PPARA: variants seen among roughly 807,000 people sequenced by gnomAD.
PPARA encodes the protein peroxisome proliferator activated receptor alpha, also known as peroxisome proliferator-activated receptor alpha.
PPARA carries 22 observed loss-of-function variants against 42.2 expected under a neutral mutation model. The ratio of observed to expected loss-of-function variants is 0.52; its 90% CI spans 0.37 to 0.74. The LOEUF (loss-of-function observed/expected upper bound fraction) is 0.74. Among genes scored for constraint, PPARA ranks in the 30% least tolerant of loss-of-function variants. The pLI, the probability that PPARA is intolerant of heterozygous loss-of-function variation, is 0.00. For missense variants in PPARA, 465 were observed against 608.2 expected, an observed-to-expected ratio of 0.76 and a Z score of 2.48; for synonymous variants, 242 against 239.3, an observed-to-expected ratio of 1.01 and a Z score of -0.10.
At chr22:46,157,950 T>C (rs527532180) in intron 2 of PPARA, among the ~76,000 whole-genome samples, 1 of 152,324 alleles carries the variant, frequency 6.6e-6, no homozygotes, top group African/African-American at 2.4e-5. Flanking sequence ...ACAAGCCAAC[T>C]TTCGAAAGAG....
rs1048491980 is a variant in PPARA, at chr22:46,203,372, G to A, written c.208+4781G>A. Among the ~76,000 whole-genome samples the A allele has an allele frequency of 1.3e-5, 2 of 152,072 alleles. No homozygotes were observed. Among genetic ancestry groups the A allele is most frequent in the Non-Finnish European group, 2.9e-5 (2 of 68,012 alleles). ...CCGGATGGGTGAGGCTGGTTCACTCGGCCAAAGTACCATTTTATCTCTGCT... is the reference window on the plus strand; with the variant it reads ...CCGGATGGGTGAGGCTGGTTCACTCAGCCAAAGTACCATTTTATCTCTGCT... On this transcript the variant is annotated intron_variant, in intron 4 of 8. Coordinates refer to ENST00000407236, the MANE Select transcript of PPARA (RefSeq NM_005036.6). This position sits in a 1 kb window ranked among gnomAD's most constrained non-coding sequence, Gnocchi z 5.8.
chr22:46,233,418 C>A lies in PPARA; in HGVS notation c.1159+1179C>A, dbSNP rs1237647567. On this transcript the variant is annotated intron_variant, in intron 8 of 8. Transcript: ENST00000407236. This position sits in a 1 kb window ranked among gnomAD's most constrained non-coding sequence, Gnocchi z 7.3. ...CCTACTGCAAACTCGGCTGACCTTA[C>A]CCAGGGTTGGTGGAGACAGATGGGG... Among the ~76,000 whole-genome samples, 1 of 152,118 alleles carries A rather than the reference C, an allele frequency of 6.6e-6. No individual in the cohort carries two copies. The highest frequency in any genetic ancestry group is 1.5e-5 in the Non-Finnish European group (1 of 68,028).
chr22:46,224,712 G>A lies in PPARA; in HGVS notation c.711+4698G>A, dbSNP rs1302694876. ...ATACGAACCGTAATGAACGTGGGCTGTGTGCTGGGGAAGGCAGGCTCGCCT... is the reference window on the plus strand; with the variant it reads ...ATACGAACCGTAATGAACGTGGGCTATGTGCTGGGGAAGGCAGGCTCGCCT... On this transcript the variant is annotated intron_variant, in intron 7 of 8. Transcript: ENST00000407236. This position sits in a 1 kb window ranked among gnomAD's most constrained non-coding sequence, Gnocchi z 5.7. Among the ~76,000 whole-genome samples the A allele has an allele frequency of 1.3e-5, 2 of 152,090 alleles. No individual in the cohort carries two copies. Among genetic ancestry groups the A allele is most frequent in the Non-Finnish European group, 2.9e-5 (2 of 68,006 alleles).
chr22:46,185,187 A>G (rs1336391497), intron 3 of PPARA, among the ~76,000 whole-genome samples: 3 of 152,004 alleles, frequency 2.0e-5, no homozygotes, highest in East Asian at 1.9e-4. Flanking sequence ...TGCTTCTCCC[A>G]TGTTCCATCT....
chr22:46,206,309 G>C (rs1933301995), intron 4 of PPARA, among the ~76,000 whole-genome samples: 1 of 152,012 alleles, frequency 6.6e-6, no homozygotes, highest in Non-Finnish European at 1.5e-5. Flanking sequence ...CTAGAGACGG[G>C]TTTCACTATG....
intron 2 of PPARA, among the ~76,000 whole-genome samples, chr22:46,159,197 T>TTTC (rs1382267273): frequency 6.6e-6 from 1 of 151,900 alleles, no homozygotes; most frequent in Admixed American, 6.6e-5. Context: ...TGGCTTCTGT[T>TTTC]CTATCTGTGC....
chr22:46,177,017 T>C lies in PPARA; in HGVS notation c.-43+181T>C, dbSNP rs4253666. 8.9e-3 allele frequency among the ~76,000 whole-genome samples: 1,351 copies of C among 152,308 alleles called. 22 individuals are homozygous for C. The highest frequency in any genetic ancestry group is 0.028 in the African/African-American group (1,177 of 41,588). On this transcript the variant is annotated intron_variant, in intron 3 of 8. Transcript: ENST00000407236. ...CGAGGTTAGGAGATTGAGACCATCC[T>C]GGCTAACACAGTGAAACCCTGTCTC...
chr22:46,210,217 G>A lies in PPARA; in HGVS notation c.209-4956G>A, dbSNP rs532162684. ...CCAGCTACTTGGGAGGCTGAGGCAG[G>A]AGAATTGCTTGAACCCGGGAGGCAG... On this transcript the variant is annotated intron_variant, in intron 4 of 8. Coordinates refer to ENST00000407236, the MANE Select transcript of PPARA (RefSeq NM_005036.6). Among the ~76,000 whole-genome samples the A allele has an allele frequency of 6.7e-5, 10 of 149,548 alleles. No homozygotes were observed. In the South Asian group the frequency reaches 2.2e-3, roughly 33 times the overall value.
intron 2 of PPARA, among the ~76,000 whole-genome samples, 162 bp downstream of exon 2, chr22:46,152,132 ATTTTTTTTTTTT>A: frequency 9.6e-6 from 1 of 104,676 alleles, no homozygotes; most frequent in East Asian, 2.9e-4. Flanking sequence ...GCATGGATTC[ATTTTTTTTTTTT>A]TTTTTTTTTT....
rs1282053694 is a variant in PPARA at position 46,225,638 on chromosome 22, CACAT to C, written c.711+5628_711+5631del. ...ATGCATGTGTACACAAACACACCCA[CACAT>C]ACACATGCACCCACACGTGTACACA... is the stretch of plus-strand genomic sequence containing the variant. On this transcript the variant is annotated intron_variant, in intron 7 of 8. Coordinates refer to ENST00000407236, the MANE Select transcript of PPARA (RefSeq NM_005036.6). This position sits in a 1 kb window ranked among gnomAD's most constrained non-coding sequence, Gnocchi z 4.1. 6.6e-6 allele frequency among the ~76,000 whole-genome samples: 1 copy of C among 151,852 alleles called. No homozygotes were observed. The highest frequency in any genetic ancestry group is 1.5e-5 in the Non-Finnish European group (1 of 67,926).
intron 2 of PPARA, among the ~76,000 whole-genome samples, chr22:46,168,848 C>A (rs1323956967): frequency 6.6e-6 from 1 of 151,904 alleles, no homozygotes; most frequent in Non-Finnish European, 1.5e-5. Context: ...AAAATGATAG[C>A]CACTTTGGAA....
At chr22:46,215,456 G>A in intron 5 of PPARA, 123 bp downstream of exon 5, 1 of 1,280,342 alleles carries the variant, frequency 7.8e-7, no homozygotes, top group South Asian at 1.3e-5. Flanking sequence ...ACTGACTTCA[G>A]GCCAGGCGCG....
rs112087465 is a variant in PPARA at position 46,176,166 on chromosome 22, C to T, written c.-126-587C>T. 6.1e-3 allele frequency: 914 copies of T among 151,008 alleles called. 6 individuals carry two copies. Among genetic ancestry groups the T allele is most frequent in the Middle Eastern group, 0.014 (4 of 290 alleles). 9.4% of individuals were successfully genotyped at this position (151,008 alleles called of 1,614,324 possible). A position where few individuals can be genotyped will look rare whatever the true frequency, so the allele number is the denominator to read the frequency against. On this transcript the variant is annotated intron_variant, in intron 2 of 8. Coordinates refer to ENST00000407236, the MANE Select transcript of PPARA (RefSeq NM_005036.6). ...ATAGGTAGGTGGATGGATGGATGGA[C>T]GGACGGACAGATAGATAGGTAGAAA...
At chr22:46,172,100 A>T (rs1928142536) in intron 2 of PPARA, among the ~76,000 whole-genome samples, 1 of 151,840 alleles carries the variant, frequency 6.6e-6, no homozygotes, top group African/African-American at 2.4e-5. Flanking sequence ...CGGTTTCCCT[A>T]CCTGTGAATC....
intron 2 of PPARA, among the ~76,000 whole-genome samples, chr22:46,166,486 C>T (rs1266777472): frequency 6.6e-6 from 1 of 152,010 alleles, no homozygotes; most frequent in African/African-American, 2.4e-5. Flanking sequence ...GATGTGGTGG[C>T]AGGCGCCTGT....
intron 5 of PPARA, 43 bp from the exon 6 acceptor site, chr22:46,218,220 C>T (rs1452739638): frequency 6.2e-7 from 1 of 1,612,620 alleles, no homozygotes; most frequent in Non-Finnish European, 8.5e-7. Context: ...GCTGGTTTCT[C>T]AGTGGCCCAG....
chr22:46,210,029 G>C (rs958087532), intron 4 of PPARA, among the ~76,000 whole-genome samples: 2 of 152,058 alleles, frequency 1.3e-5, no homozygotes, highest in African/African-American at 4.8e-5. Flanking sequence ...ACAGGCATGA[G>C]CCACTGTACC....
chr22:46,220,147 G>A (rs1276609877), intron 7 of PPARA, 133 bp downstream of exon 7: 3 of 1,057,114 alleles, frequency 2.8e-6, no homozygotes, highest in Non-Finnish European at 4.2e-6. Context: ...CAGCGAAGAT[G>A]GAAACAGTTC....
rs1933881129 is a variant in PPARA, at chr22:46,211,081, T to C, written c.209-4092T>C. Among the ~76,000 whole-genome samples, 1 of 152,210 alleles carries C rather than the reference T, an allele frequency of 6.6e-6. No individual in the cohort carries two copies. The highest frequency in any genetic ancestry group is 1.5e-5 in the Non-Finnish European group (1 of 68,030). On this transcript the variant is annotated intron_variant, in intron 4 of 8. Coordinates refer to ENST00000407236, the MANE Select transcript of PPARA (RefSeq NM_005036.6). This position sits in a 1 kb window ranked among gnomAD's most constrained non-coding sequence, Gnocchi z 4.1. The stretch of plus-strand genomic sequence containing the variant: ...CACTATCATCATTTCAGGTTGCTAC[T>C]GAAGTATCCCTTTTTCAGGCTCTCA...
Sources: allele counts gnomAD v4.1 joint callset (sites outside exome capture counted in the v4.1 genomes callset), GRCh38; gene constraint gnomAD v4.1.1; non-coding constraint Gnocchi (gnomAD v3.1); transcripts MANE v1.5; gene names NCBI Gene and HGNC (gene_info 2026-07-23, HGNC 2026-07-21).